TEAD1: variants seen among roughly 807,000 people sequenced by gnomAD.
The protein encoded by TEAD1 is TEA domain transcription factor 1.
Under a neutral mutation model 54.9 loss-of-function variants are expected in TEAD1, and 9 were observed. That is an observed-to-expected ratio of 0.16 (90% CI 0.10 to 0.29). The LOEUF (loss-of-function observed/expected upper bound fraction) is 0.29. TEAD1 is among the 10% of genes least tolerant of loss of function. The probability of loss-of-function intolerance (pLI) is 1.00; values close to 1 mark genes in which losing one functional copy is unlikely to be tolerated. For missense variants in TEAD1, 387 were observed against 535.9 expected (o/e 0.72, Z 2.74); for synonymous variants, 200 against 187.8 (o/e 1.07, Z -0.53).
chr11:12,757,171 C>T (rs546860884), intron 2 of TEAD1, among the ~76,000 whole-genome samples: 6 of 152,270 alleles, frequency 3.9e-5, no homozygotes, highest in South Asian at 2.1e-4. Context: ...TCTTAGTGCT[C>T]GTCCCGTTGC....
intron 10 of TEAD1, among the ~76,000 whole-genome samples, chr11:12,918,556 GA>G (rs1461577542): frequency 6.6e-6 from 1 of 151,968 alleles, no homozygotes; most frequent in Non-Finnish European, 1.5e-5. Context: ...ATTAAATAGA[GA>G]ATTTTCTCAG....
intron 2 of TEAD1, among the ~76,000 whole-genome samples, chr11:12,692,280 T>C (rs1943474062): frequency 6.6e-6 from 1 of 152,218 alleles, no homozygotes. Flanking sequence ...GCTCTAATGC[T>C]TTCTTCAGAG....
At chr11:12,697,762 G>A (rs541773014) in intron 2 of TEAD1, among the ~76,000 whole-genome samples, 2 of 152,298 alleles carry the variant, frequency 1.3e-5, no homozygotes, top group South Asian at 4.1e-4. Flanking sequence ...GGTGGCTCAC[G>A]CCTGTAATCC....
intron 5 of TEAD1, among the ~76,000 whole-genome samples, chr11:12,878,410 C>G (rs1029156912): frequency 3.9e-5 from 6 of 152,122 alleles, no homozygotes; most frequent in Admixed American, 2.0e-4. Flanking sequence ...TTGACGTTCC[C>G]TGGAGGTGGA....
chr11:12,708,720 G>T (rs1943870378), intron 2 of TEAD1, among the ~76,000 whole-genome samples: 1 of 152,062 alleles, frequency 6.6e-6, no homozygotes, highest in Non-Finnish European at 1.5e-5. Context: ...AAAAGGAAAA[G>T]TTACATAAAT....
At chr11:12,811,599 A>G (rs1946301142) in intron 3 of TEAD1, among the ~76,000 whole-genome samples, 1 of 152,320 alleles carries the variant, frequency 6.6e-6, no homozygotes. Flanking sequence ...CTAAGGCAGA[A>G]CAAAAACAGG....
chr11:12,824,664 A>G (rs1946615036), intron 3 of TEAD1, among the ~76,000 whole-genome samples: 1 of 151,898 alleles, frequency 6.6e-6, no homozygotes, highest in Non-Finnish European at 1.5e-5. Context: ...TTACCAGTTT[A>G]CTCCTAGCTG....
At chr11:12,746,182 C>G (rs146991314) in intron 2 of TEAD1, among the ~76,000 whole-genome samples, 14 of 152,218 alleles carry the variant, frequency 9.2e-5, no homozygotes, top group African/African-American at 3.4e-4. Context: ...CATTCTTGCA[C>G]GAGAGTAGCA....
chr11:12,712,192 C>T (rs926306417), intron 2 of TEAD1, among the ~76,000 whole-genome samples: 9 of 152,136 alleles, frequency 5.9e-5, no homozygotes, highest in Non-Finnish European at 5.9e-5. Flanking sequence ...TCCGTCTGCC[C>T]GTCCATCCAT....
chr11:12,857,614 T>TGTGTG (rs1947417461), intron 3 of TEAD1, among the ~76,000 whole-genome samples: 1 of 55,148 alleles, frequency 1.8e-5, no homozygotes, highest in South Asian at 7.3e-4. Flanking sequence ...GTGTGTGTGT[T>TGTGTG]AGAAGATCAT....
chr11:12,692,530 C>T (rs1223071882), intron 2 of TEAD1, among the ~76,000 whole-genome samples: 2 of 151,938 alleles, frequency 1.3e-5, no homozygotes, highest in African/African-American at 4.8e-5. Context: ...TTTTTAAAGC[C>T]GCAAGCTTAA....
At chr11:12,785,821 A>G (rs1163963284) in intron 3 of TEAD1, among the ~76,000 whole-genome samples, 1 of 152,222 alleles carries the variant, frequency 6.6e-6, no homozygotes, top group African/African-American at 2.4e-5. Flanking sequence ...ATCCATGACT[A>G]TTCAGAACCT....
At chr11:12,902,756 C>T (rs1053139978) in intron 10 of TEAD1, among the ~76,000 whole-genome samples, 7 of 152,040 alleles carry the variant, frequency 4.6e-5, no homozygotes, top group South Asian at 4.1e-4. Context: ...AGGCCCTAAG[C>T]GACCTGGTTC....
chr11:12,889,385 C>T (rs1201682724), intron 9 of TEAD1, among the ~76,000 whole-genome samples: 1 of 26,948 alleles, frequency 3.7e-5, no homozygotes, highest in Non-Finnish European at 6.6e-5. Flanking sequence ...TGGGGCACGG[C>T]GGGTTCCTCC....
intron 3 of TEAD1, among the ~76,000 whole-genome samples, chr11:12,831,981 C>T: frequency 6.6e-6 from 1 of 151,730 alleles, no homozygotes; most frequent in East Asian, 1.9e-4. Context: ...GGAAAGCTGC[C>T]CCCCGGCAAG....
At chr11:12,680,865 C>G (rs1943207181) in intron 2 of TEAD1, among the ~76,000 whole-genome samples, 1 of 152,206 alleles carries the variant, frequency 6.6e-6, no homozygotes, top group South Asian at 2.1e-4. Flanking sequence ...GGCGGCAGAA[C>G]TTGGGGCACC....
chr11:12,704,467 G>A (rs546157375), intron 2 of TEAD1, among the ~76,000 whole-genome samples: 51 of 152,288 alleles, frequency 3.3e-4, no homozygotes, highest in African/African-American at 1.1e-3. Flanking sequence ...TCTGCCTGGC[G>A]TGCCACTCCT....
At chr11:12,794,440 A>G (rs933343949) in intron 3 of TEAD1, among the ~76,000 whole-genome samples, 6 of 152,204 alleles carry the variant, frequency 3.9e-5, no homozygotes, top group African/African-American at 1.4e-4. Flanking sequence ...AAGAAAAAAG[A>G]AAAAAACAGC....
intron 10 of TEAD1, among the ~76,000 whole-genome samples, chr11:12,923,218 T>G (rs1450243428): frequency 1.3e-5 from 2 of 152,110 alleles, no homozygotes; most frequent in Non-Finnish European, 2.9e-5. Flanking sequence ...CTCAGGATAT[T>G]TCACCTCTCC....
Sources: allele counts gnomAD v4.1 joint callset (sites outside exome capture counted in the v4.1 genomes callset), GRCh38; gene constraint gnomAD v4.1.1; transcripts MANE v1.5; gene names NCBI Gene and HGNC (gene_info 2026-07-23, HGNC 2026-07-21).